HERC1: variants seen among roughly 807,000 people sequenced by gnomAD.
The protein encoded by HERC1 is probable E3 ubiquitin-protein ligase HERC1.
Under a neutral mutation model 554.3 loss-of-function variants are expected in HERC1, and 160 were observed. That is an observed-to-expected ratio of 0.29 (90% confidence interval 0.25 to 0.33). HERC1 has a LOEUF of 0.33. Among genes scored for constraint, HERC1 ranks in the 10% least tolerant of loss-of-function variants. The pLI is 1.00. For missense variants in HERC1, 4,919 were observed against 5,918.5 expected (o/e 0.83, Z 5.54); for synonymous variants, 2,175 against 2,131.7 (o/e 1.02, Z -0.56).
chr15:63,701,244 T>C (rs2072708421), intron 25 of HERC1, among the ~76,000 whole-genome samples: 1 of 152,226 alleles, frequency 6.6e-6, no homozygotes, highest in Admixed American at 6.5e-5. Flanking sequence ...CATTAATTCC[T>C]TAATTTTATG....
rs1595900804 is a variant in HERC1 at position 63,654,397 on chromosome 15, T to C, written c.10085-73A>G. 9.5e-6 allele frequency: 11 copies of C among 1,157,346 alleles called. No individual in the cohort carries two copies. The East Asian group carries it at 2.8e-4, about 30-fold the overall frequency. 71.7% of individuals were successfully genotyped at this position (1,157,346 alleles called of 1,614,324 possible). On this transcript the variant is annotated intron_variant, in intron 50 of 77. Transcript: ENST00000443617. ...AAACCTGCTTAAACAAAACATGAAATGATGCTCAGGTGAGATTTGGTGGTG... is the reference window on the plus strand; with the variant it reads ...AAACCTGCTTAAACAAAACATGAAACGATGCTCAGGTGAGATTTGGTGGTG...
rs1335165047 is a variant in HERC1, at chr15:63,624,147, C to A, written c.13445+11G>T. On this transcript the variant is annotated intron_variant, in intron 72 of 77. Coordinates refer to ENST00000443617, the MANE Select transcript of HERC1 (RefSeq NM_003922.4). ...ACAGCTCATTAGTCAAACACACATA[C>A]ATATGCTAACCTGGTTGATATCCTC... The A allele has an allele frequency of 1.3e-6, 2 of 1,597,116 alleles. No individual in the cohort carries two copies. The highest frequency in any genetic ancestry group is 2.7e-5 in the African/African-American group (2 of 74,252).
chr15:63,733,435 G>A (rs952652210), intron 13 of HERC1, among the ~76,000 whole-genome samples: 2 of 152,136 alleles, frequency 1.3e-5, no homozygotes, highest in African/African-American at 2.4e-5. Flanking sequence ...AGAGGAGTAC[G>A]AAATGCCAAT....
At chr15:63,664,001 G>A (rs1281120671) in intron 43 of HERC1, among the ~76,000 whole-genome samples, 3 of 152,162 alleles carry the variant, frequency 2.0e-5, no homozygotes, top group East Asian at 1.9e-4. Flanking sequence ...TGCCCAGAAC[G>A]TAATCCTAGA....
At chr15:63,660,530 T>TA (rs2070301809) in intron 46 of HERC1, among the ~76,000 whole-genome samples, 1 of 152,134 alleles carries the variant, frequency 6.6e-6, no homozygotes, top group Admixed American at 6.5e-5. Context: ...CAGCTGGTAA[T>TA]AGAGGTTTAA....
intron 2 of HERC1, among the ~76,000 whole-genome samples, chr15:63,770,703 G>C (rs2075925892): frequency 6.6e-6 from 1 of 152,156 alleles, no homozygotes; most frequent in African/African-American, 2.4e-5. Flanking sequence ...ATTTTTGTTA[G>C]GTCTTGTACC....
rs78515517 is a variant in HERC1, at chr15:63,820,046, G to C, written c.-27+13781C>G. Among the ~76,000 whole-genome samples the C allele has an allele frequency of 5.5e-4, 83 of 152,224 alleles. No homozygotes were observed. In the East Asian group the frequency reaches 0.013, roughly 25 times the overall value. Reference sequence around the variant, plus strand: ...AAGTAATGTATATGTAAATTAGCTAGATTTAGTCATTCCACAATGTATATA... The same window carrying C: ...AAGTAATGTATATGTAAATTAGCTACATTTAGTCATTCCACAATGTATATA... On this transcript the variant is annotated intron_variant, in intron 1 of 77. Coordinates refer to ENST00000443617, the MANE Select transcript of HERC1 (RefSeq NM_003922.4).
chr15:63,693,247 CTTTT>C (rs112964926), intron 30 of HERC1, among the ~76,000 whole-genome samples: 1 of 135,498 alleles, frequency 7.4e-6, no homozygotes, highest in Non-Finnish European at 1.6e-5. Context: ...TTTTCTTTTT[CTTTT>C]TTTTTTTTTT....
At chr15:63,826,387 T>A (rs571422031) in intron 1 of HERC1, among the ~76,000 whole-genome samples, 1 of 152,184 alleles carries the variant, frequency 6.6e-6, no homozygotes, top group Non-Finnish European at 1.5e-5. Context: ...CTGGTCCAAA[T>A]AACTACCATA....
At chr15:63,678,388 G>A (rs755172862) in intron 36 of HERC1, 23 bp from the exon 37 acceptor site, 1 of 1,547,508 alleles carries the variant, frequency 6.5e-7, no homozygotes, top group Non-Finnish European at 8.7e-7. Flanking sequence ...AAAGAGGGTG[G>A]AAAACACATG....
rs867743047 is a variant in HERC1 at position 63,661,790 on chromosome 15, C to T, written c.9133G>A (p.Ala3045Thr). ...GTTGACTTAGATTTGGTCTTCATGG[C>T]TAAGTACTTCTCCCTGCAGGTGCCA... ...LCGTCREKYLAMKTKSKSTSS... is the reference protein window; with the variant it reads ...LCGTCREKYLTMKTKSKSTSS... The change falls in exon 45 of 78, where the codon GCC becomes ACC. Residue 3045 changes from alanine (A) to threonine (T), a missense_variant. This residue lies in a region of HERC1 where 1,963 missense variants were observed against 2,228.6 expected (regional missense o/e 0.88). Coordinates refer to ENST00000443617, the MANE Select transcript of HERC1 (RefSeq NM_003922.4). The T allele has an allele frequency of 3.1e-6, 5 of 1,613,976 alleles. No individual in the cohort carries two copies. Among genetic ancestry groups the T allele is most frequent in the Non-Finnish European group, 4.2e-6 (5 of 1,179,882 alleles).
At chr15:63,776,631 T>C (rs759062608) in intron 1 of HERC1, among the ~76,000 whole-genome samples, 2 of 152,224 alleles carry the variant, frequency 1.3e-5, no homozygotes, top group African/African-American at 4.8e-5. Flanking sequence ...TAATATTCTA[T>C]GTCTCAATAC....
rs759667353 is a variant in HERC1 at position 63,749,362 on chromosome 15, C to G, written c.2219+5G>C. The G allele has an allele frequency of 1.3e-6, 2 of 1,589,900 alleles. No homozygotes were observed. The highest frequency in any genetic ancestry group is 3.7e-5 in the Admixed American group (2 of 53,664). ...ACAAGAATTTTTAAACATAGGCACTCTTACCTGTCCCTAGGAAGAGCAGTC... is the reference window on the plus strand; with the variant it reads ...ACAAGAATTTTTAAACATAGGCACTGTTACCTGTCCCTAGGAAGAGCAGTC... On this transcript the variant is annotated splice_donor_5th_base_variant and intron_variant, in intron 10 of 77. Coordinates refer to ENST00000443617, the MANE Select transcript of HERC1 (RefSeq NM_003922.4). This position sits in a 1 kb window ranked among gnomAD's most constrained non-coding sequence, Gnocchi z 4.1.
Position 63,609,248 on chromosome 15 carries a change from T to C in HERC1, c.14419A>G (p.Thr4807Ala), listed in dbSNP as rs1247271304. ...KVDRPYDSLP[T>A]SQTCFFQLRL... Reference sequence around the variant, plus strand: ...AGCTGGAAGAAGCAGGTCTGTGAGGTAGGCAGACTGTCGTAAGGCTGTGGA... The same window carrying C: ...AGCTGGAAGAAGCAGGTCTGTGAGGCAGGCAGACTGTCGTAAGGCTGTGGA... Residue 4807 changes from threonine (T) to alanine (A), a missense_variant, in exon 78 of 78, where the codon ACC becomes GCC. This residue lies in a region of HERC1 where 71 missense variants were observed against 101.4 expected (regional missense o/e 0.70). Coordinates refer to ENST00000443617, the MANE Select transcript of HERC1 (RefSeq NM_003922.4). 1.2e-6 allele frequency: 2 copies of C among 1,612,494 alleles called. No individual in the cohort carries two copies. Among genetic ancestry groups the C allele is most frequent in the Admixed American group, 1.7e-5 (1 of 59,864 alleles).
Position 63,758,397 on chromosome 15 carries a change from A to T in HERC1, c.1027-28T>A. On this transcript the variant is annotated intron_variant, in intron 3 of 77. Coordinates refer to ENST00000443617, the MANE Select transcript of HERC1 (RefSeq NM_003922.4). This position sits in a 1 kb window ranked among gnomAD's most constrained non-coding sequence, Gnocchi z 4.0. ...ATTAAAAATTTAAAATATGCAACAA[A>T]TAGTCAAGACAGTTTTAGTCTGGGC... 6.6e-7 allele frequency: 1 copy of T among 1,523,898 alleles called. No individual in the cohort carries two copies. Among genetic ancestry groups the T allele is most frequent in the Non-Finnish European group, 9.0e-7 (1 of 1,113,640 alleles). 94.4% of individuals were successfully genotyped at this position (1,523,898 alleles called of 1,614,324 possible).
At chr15:63,737,999 T>TTC (rs1442994628) in intron 12 of HERC1, among the ~76,000 whole-genome samples, 1 of 152,198 alleles carries the variant, frequency 6.6e-6, no homozygotes, top group African/African-American at 2.4e-5. Context: ...TTAATGTATT[T>TTC]TCTATCAGTC....
chr15:63,640,093 T>C (rs2068970109), intron 61 of HERC1, 59 bp downstream of exon 61: 1 of 1,514,468 alleles, frequency 6.6e-7, no homozygotes. Context: ...GTCTGCTACA[T>C]GCCCAATACC....
At chr15:63,684,247 A>G (rs541009119) in intron 34 of HERC1, among the ~76,000 whole-genome samples, 1 of 152,350 alleles carries the variant, frequency 6.6e-6, no homozygotes, top group African/African-American at 2.4e-5. Context: ...TTGACTCTAC[A>G]TCCCTCACCT....
chr15:63,689,742 CTT>C (rs1264482361), intron 32 of HERC1, 43 bp from the exon 33 acceptor site: 4 of 1,197,952 alleles, frequency 3.3e-6, no homozygotes, highest in East Asian at 5.2e-5. Context: ...TAAAAAGTAA[CTT>C]TAAGTATTTT....
Sources: allele counts gnomAD v4.1 joint callset (sites outside exome capture counted in the v4.1 genomes callset), GRCh38; gene constraint gnomAD v4.1.1; regional missense constraint gnomAD v4.1.1; non-coding constraint Gnocchi (gnomAD v3.1); transcripts MANE v1.5; gene names NCBI Gene and HGNC (gene_info 2026-07-23, HGNC 2026-07-21).